IL4R: variants seen among roughly 807,000 people sequenced by gnomAD.
IL4R encodes the protein interleukin-4 receptor subunit alpha.
IL4R carries 17 observed loss-of-function variants against 41.5 expected under a neutral mutation model. The ratio of observed to expected loss-of-function variants is 0.41; its 90% CI spans 0.28 to 0.61. The LOEUF (loss-of-function observed/expected upper bound fraction) is 0.61. IL4R is among the 20% of genes least tolerant of loss of function. The probability of loss-of-function intolerance (pLI) is 0.31; values close to 1 mark genes in which losing one functional copy is unlikely to be tolerated. For missense variants in IL4R, 974 were observed against 1,043.1 expected (o/e 0.93, Z 0.91); for synonymous variants, 402 against 422.9 (o/e 0.95, Z 0.61).
rs150316902 is a variant in IL4R at position 27,340,264 on chromosome 16, G to A, written c.61G>A (p.Ala21Thr). ...GAGCTGCCTGGTCCTGCTGCAGGTG[G>A]CAAGCTCTGGTAAGTCACCACTTCT... ...PVSCLVLLQV[A>T]SSGNMKVLQE... The change falls in exon 3 of 11, where the codon GCA becomes ACA. Residue 21 changes from alanine to threonine, a missense_variant. Transcript: ENST00000395762. 3.3e-5 allele frequency: 54 copies of A among 1,613,322 alleles called. No homozygotes were observed. Among genetic ancestry groups the A allele is most frequent in the Non-Finnish European group, 4.5e-5 (53 of 1,179,500 alleles).
chr16:27,347,245 C>T (rs1419971334), intron 6 of IL4R, among the ~76,000 whole-genome samples: 1 of 152,202 alleles, frequency 6.6e-6, no homozygotes, highest in East Asian at 1.9e-4. Flanking sequence ...GGGTGGAACA[C>T]AGTGGCGTGA....
chr16:27,363,069 A>G lies in IL4R; in HGVS notation c.1717A>G (p.Ser573Gly), dbSNP rs2086361060. 6.2e-7 allele frequency: 1 copy of G among 1,613,964 alleles called. No individual in the cohort carries two copies. Among genetic ancestry groups the G allele is most frequent in the African/African-American group, 1.3e-5 (1 of 74,916 alleles). ...TGCAGCCCCCGTCTCGGCCCCCACCAGTGGCTATCAGGAGTTTGTACATGC... is the reference window on the plus strand; with the variant it reads ...TGCAGCCCCCGTCTCGGCCCCCACCGGTGGCTATCAGGAGTTTGTACATGC... ...AAAAPVSAPT[S>G]GYQEFVHAVE... The change falls in exon 11 of 11, where the codon AGT becomes GGT. Residue 573 changes from serine to glycine, a missense_variant. Around this residue, in one of 3 missense-constraint regions of IL4R, gnomAD observed 682 missense variants for 704.3 expected, o/e 0.97. Coordinates refer to ENST00000395762, the MANE Select transcript of IL4R (RefSeq NM_000418.4).
Position 27,352,711 on chromosome 16 carries a change from GC to G in IL4R, c.670+17del. 1 of 1,612,648 alleles carries G rather than the reference GC, an allele frequency of 6.2e-7. No homozygotes were observed. The highest frequency in any genetic ancestry group is 1.1e-5 in the South Asian group (1 of 91,026). ...GTGGCACAACTGTGAGTATCAAGAGGCCTAAGCAATGGTAATCTCCACTCTC... is the reference window on the plus strand; with the variant it reads ...GTGGCACAACTGTGAGTATCAAGAGGCTAAGCAATGGTAATCTCCACTCTC... On this transcript the variant is annotated intron_variant, in intron 7 of 10. Coordinates refer to ENST00000395762, the MANE Select transcript of IL4R (RefSeq NM_000418.4).
In IL4R at chr16:27,344,910, G is replaced by C; in HGVS notation, c.251G>C (p.Cys84Ser). The C allele has an allele frequency of 1.2e-6, 2 of 1,614,204 alleles. No individual in the cohort carries two copies. Among genetic ancestry groups the C allele is most frequent in the Non-Finnish European group, 1.7e-6 (2 of 1,180,034 alleles). The change falls in exon 5 of 11, where the codon TGC becomes TCC. Residue 84 changes from cysteine (C) to serine (S), a missense_variant. By Grantham distance (112) the Cys-to-Ser change is moderately radical. Transcript: ENST00000395762. ...CCTGAGAACAACGGAGGCGCGGGGT[G>C]CGTGTGCCACCTGCTCATGGATGAC... The part of the protein sequence containing the change: ...CIPENNGGAG[C>S]VCHLLMDDVV...
chr16:27,346,638 C>T lies in IL4R; in HGVS notation c.513+20C>T, dbSNP rs767928609. The T allele has an allele frequency of 1.6e-5, 26 of 1,613,034 alleles. No homozygotes were observed. The highest frequency in any genetic ancestry group is 6.7e-5 in the East Asian group (3 of 44,898). On this transcript the variant is annotated intron_variant, in intron 6 of 10. Transcript: ENST00000395762. ...GCAGATGTGAGTGGGCATGCTTTGA[C>T]GTTTTTCTGTGACCTCTGGGGAACA...
At chr16:27,322,363 G>A (rs1336178983) in intron 1 of IL4R, among the ~76,000 whole-genome samples, 1 of 152,108 alleles carries the variant, frequency 6.6e-6, no homozygotes, top group East Asian at 1.9e-4. Flanking sequence ...TTTTTGTAGA[G>A]ATGGGATTTC....
At chr16:27,342,484 G>T (rs997467937) in intron 4 of IL4R, among the ~76,000 whole-genome samples, 2 of 152,110 alleles carry the variant, frequency 1.3e-5, no homozygotes, top group African/African-American at 2.4e-5. Context: ...GATACGGCTG[G>T]AATACTGGAC....
At chr16:27,329,582 C>T (rs1274047675) in intron 1 of IL4R, among the ~76,000 whole-genome samples, 2 of 150,454 alleles carry the variant, frequency 1.3e-5, no homozygotes, top group Non-Finnish European at 1.5e-5. Context: ...GAGGCTGAGA[C>T]ACAAGAATCG....
rs1567343846 is a variant in IL4R at position 27,364,758 on chromosome 16, T to C, written c.*928T>C. The C allele has an allele frequency of 6.6e-6, 1 of 152,214 alleles. No homozygotes were observed. Among genetic ancestry groups the C allele is most frequent in the East Asian group, 1.9e-4 (1 of 5,198 alleles). The allele number at this position is 152,214 out of a possible 1,614,324, so 9.4% of individuals were successfully genotyped here. ...CAGAAGGGGTGGAGTTTTGTATAAA[T>C]AAAGTTTCTTTGTCTCTTTATTTTT... On this transcript the variant is annotated 3_prime_UTR_variant, in exon 11 of 11. Transcript: ENST00000395762.
Position 27,363,506 on chromosome 16 carries a change from C to T in IL4R, c.2154C>T (p.Cys718=). The T allele has an allele frequency of 6.2e-7, 1 of 1,614,144 alleles. No homozygotes were observed. The highest frequency in any genetic ancestry group is 1.1e-5 in the South Asian group (1 of 91,080). Residue 718 remains cysteine, a synonymous_variant, in exon 11 of 11, where the codon TGC becomes TGT. Coordinates refer to ENST00000395762, the MANE Select transcript of IL4R (RefSeq NM_000418.4). ...GCATTGTCTACTCAGCCCTTACCTG[C>T]CACCTGTGCGGCCACCTGAAACAGT... ...GSGIVYSALT[C]HLCGHLKQCH... is the part of the protein sequence containing the mutation.
Position 27,360,884 on chromosome 16 carries a change from C to T in IL4R, c.899+69C>T. The stretch of plus-strand genomic sequence containing the variant: ...GTGATAGAATTGGAGAGGCAAGCCC[C>T]TAGCTCCATGTCTGCCTTCTCTTCC... On this transcript the variant is annotated intron_variant, in intron 10 of 10. Coordinates refer to ENST00000395762, the MANE Select transcript of IL4R (RefSeq NM_000418.4). 2.5e-6 allele frequency: 4 copies of T among 1,613,316 alleles called. No individual in the cohort carries two copies. In the South Asian group the frequency reaches 4.4e-5, roughly 18 times the overall value.
Position 27,346,506 on chromosome 16 carries a change from A to G in IL4R, c.401A>G (p.Asn134Ser), listed in dbSNP as rs539527281. 2.5e-6 allele frequency: 4 copies of G among 1,613,876 alleles called. No individual in the cohort carries two copies. Among genetic ancestry groups the G allele is most frequent in the East Asian group, 2.2e-5 (1 of 44,838 alleles). The change falls in exon 6 of 11, where the codon AAT becomes AGT. Residue 134 changes from asparagine (N) to serine (S), a missense_variant. By Grantham distance (46) the Asn-to-Ser change is conservative. Coordinates refer to ENST00000395762, the MANE Select transcript of IL4R (RefSeq NM_000418.4). ...CCAGGAAACCTGACAGTTCACACCAATGTCTCCGACACTCTGCTGCTGACC... is the reference window on the plus strand; with the variant it reads ...CCAGGAAACCTGACAGTTCACACCAGTGTCTCCGACACTCTGCTGCTGACC... ...RAPGNLTVHT[N>S]VSDTLLLTWS... is the part of the protein sequence containing the mutation.
At chr16:27,361,682 G>A (rs2086292678) in intron 10 of IL4R, among the ~76,000 whole-genome samples, 1 of 146,850 alleles carries the variant, frequency 6.8e-6, no homozygotes, top group Admixed American at 7.1e-5. Context: ...GTGATTCACT[G>A]CAGCCTCAAA....
At chr16:27,358,514 C>G (rs1435456297) in intron 8 of IL4R, among the ~76,000 whole-genome samples, 2 of 152,216 alleles carry the variant, frequency 1.3e-5, no homozygotes, top group African/African-American at 4.8e-5. Context: ...GTCATTTGCC[C>G]TCAGCTGCTC....
intron 3 of IL4R, 64 bp from the exon 4 acceptor site, chr16:27,342,057 G>T (rs2085458157): frequency 6.3e-7 from 1 of 1,575,212 alleles, no homozygotes; most frequent in South Asian, 1.1e-5. Flanking sequence ...GGTCCTGTTT[G>T]GGTGCAAGTC....
chr16:27,329,616 G>A (rs981385043), intron 1 of IL4R, among the ~76,000 whole-genome samples: 6 of 149,940 alleles, frequency 4.0e-5, no homozygotes, highest in Admixed American at 6.7e-5. Flanking sequence ...GGTGGAGGTT[G>A]CAGTGAGCCG....
chr16:27,339,602 A>G (rs1271613661), intron 2 of IL4R, among the ~76,000 whole-genome samples: 1 of 151,326 alleles, frequency 6.6e-6, no homozygotes, highest in African/African-American at 2.4e-5. Context: ...TCAGAGAAAC[A>G]TGTGTAGAGG....
chr16:27,360,494 C>T (rs555917168), intron 9 of IL4R, among the ~76,000 whole-genome samples: 3 of 152,342 alleles, frequency 2.0e-5, no homozygotes, highest in South Asian at 4.1e-4. Context: ...ATTCTATGGG[C>T]CCAAGCAAGT....
Position 27,345,971 on chromosome 16 carries a change from CA to C in IL4R, c.362-489del, listed in dbSNP as rs918506595. On this transcript the variant is annotated intron_variant, in intron 5 of 10. Coordinates refer to ENST00000395762, the MANE Select transcript of IL4R (RefSeq NM_000418.4). The surrounding 1 kb of genome is among the most constrained non-coding windows in gnomAD (Gnocchi z 4.5). ...TGGGCGACAGAGTGAGATTACGTCT[CA>C]AAAAAATAAAAATAAATAAAAATAA... Among the ~76,000 whole-genome samples the C allele has an allele frequency of 6.6e-6, 1 of 151,722 alleles. No homozygotes were observed. The highest frequency in any genetic ancestry group is 1.5e-5 in the Non-Finnish European group (1 of 67,952).
Sources: gnomAD v4.1 joint callset for allele counts (sites outside exome capture counted in the v4.1 genomes callset) on GRCh38, gnomAD v4.1.1 for gene constraint, gnomAD v4.1.1 regional missense constraint, Gnocchi (gnomAD v3.1) non-coding constraint, MANE v1.5 for transcripts, NCBI Gene and HGNC (gene_info 2026-07-23, HGNC 2026-07-21) for gene names.